Variants in PM20D2 observed in about 807,000 individuals in gnomAD.
PM20D2 encodes the protein xaa-Arg dipeptidase.
In PM20D2, 33 loss-of-function variants were observed where a neutral mutation model predicts 42.9. That is an observed-to-expected ratio of 0.77 (90% CI 0.58 to 1.03). The LOEUF (loss-of-function observed/expected upper bound fraction) is 1.03, where lower values mean the gene tolerates loss of function less well. Among genes scored for constraint, PM20D2 ranks in the 50% least tolerant of loss-of-function variants. PM20D2 has a pLI of 0.00. For missense variants in PM20D2, 548 were observed against 557.0 expected, an observed-to-expected ratio of 0.98 and a Z score of 0.16; for synonymous variants, 250 against 228.2, an observed-to-expected ratio of 1.10 and a Z score of -0.86.
the PM20D2 span, among the ~76,000 whole-genome samples, chr6:89,094,469 C>G: frequency 2.0e-5 from 3 of 151,722 alleles, no homozygotes; most frequent in Non-Finnish European, 4.4e-5. Flanking sequence ...ATCTGCCCCA[C>G]CCCCCGGAAC....
At chr6:89,134,160 G>A in the PM20D2 span, among the ~76,000 whole-genome samples, 2 of 151,186 alleles carry the variant, frequency 1.3e-5, no homozygotes, top group Non-Finnish European at 2.9e-5. Flanking sequence ...AATGACAAAG[G>A]CTTTGAGTCA....
the PM20D2 span, among the ~76,000 whole-genome samples, chr6:89,131,100 T>C: frequency 6.6e-6 from 1 of 151,980 alleles, no homozygotes; most frequent in Non-Finnish European, 1.5e-5. Flanking sequence ...CCCAAGGTGG[T>C]ATCACATGCC....
chr6:89,124,736 G>GTTTTTTTTTTTTT, the PM20D2 span, among the ~76,000 whole-genome samples: 40 of 108,432 alleles, frequency 3.7e-4, 1 homozygote, highest in South Asian at 1.0e-3. Context: ...TGCTGTTGTT[G>GTTTTTTTTTTTTT]TTTTTTTTTT....
At chr6:89,124,408 G>T in the PM20D2 span, among the ~76,000 whole-genome samples, 10 of 152,180 alleles carry the variant, frequency 6.6e-5, no homozygotes, top group East Asian at 1.9e-3. Flanking sequence ...TCTTGCTAGA[G>T]ATAGACACGT....
chr6:89,098,707 T>G, the PM20D2 span: 1 of 1,613,986 alleles, frequency 6.2e-7, no homozygotes, highest in East Asian at 2.2e-5. Flanking sequence ...ATCTTGCTAT[T>G]GAGTCAGAAT....
chr6:89,117,696 A>C, the PM20D2 span: 2 of 937,696 alleles, frequency 2.1e-6, no homozygotes, highest in Non-Finnish European at 1.5e-6. Flanking sequence ...CAAGTGGCGC[A>C]GCCTGGGCCC....
At chr6:89,130,819 C>CTTT in the PM20D2 span, among the ~76,000 whole-genome samples, 44 of 24,056 alleles carry the variant, frequency 1.8e-3, no homozygotes, top group African/African-American at 2.4e-3. Context: ...GCTTCTTCTT[C>CTTT]TTTTTTTTTT....
chr6:89,122,022 A>G, the PM20D2 span, among the ~76,000 whole-genome samples: 2 of 152,330 alleles, frequency 1.3e-5, no homozygotes, highest in South Asian at 4.1e-4. Flanking sequence ...TTTCAGTTTT[A>G]CAAGTCTTTA....
chr6:89,109,609 G>A, the PM20D2 span, among the ~76,000 whole-genome samples: 1 of 152,196 alleles, frequency 6.6e-6, no homozygotes, highest in Non-Finnish European at 1.5e-5. Context: ...TGCCACAGAG[G>A]TCTGGAGTCT....
chr6:89,160,104 T>C (rs1771186266), intron 5 of PM20D2, among the ~76,000 whole-genome samples: 1 of 152,170 alleles, frequency 6.6e-6, no homozygotes, highest in African/African-American at 2.4e-5. Context: ...TCAGACTCTT[T>C]AGACTCTTTA....
At chr6:89,124,038 AAAT>A in the PM20D2 span, among the ~76,000 whole-genome samples, 7 of 152,116 alleles carry the variant, frequency 4.6e-5, no homozygotes, top group East Asian at 1.9e-4. Flanking sequence ...TCATGTCTCA[AAAT>A]AATAATAATA....
chr6:89,146,270 C>T lies in PM20D2; in HGVS notation c.126C>T (p.Ser42=). Residue 42 remains serine, a synonymous_variant, in exon 1 of 7, where the codon AGC becomes AGT. Transcript: ENST00000275072. ...DEAAERLGAL[S]RAIWSQPELA... is the part of the protein sequence containing the mutation. ...CGGCCGAGCGGCTGGGGGCCCTGAG[C>T]CGCGCGATCTGGAGCCAGCCCGAGC... 1 of 1,580,610 alleles carries T rather than the reference C, an allele frequency of 6.3e-7. No homozygotes were observed. Among genetic ancestry groups the T allele is most frequent in the Non-Finnish European group, 8.5e-7 (1 of 1,171,548 alleles).
At chr6:89,129,388 G>A in the PM20D2 span, among the ~76,000 whole-genome samples, 2 of 152,170 alleles carry the variant, frequency 1.3e-5, no homozygotes, top group African/African-American at 4.8e-5. Flanking sequence ...GGAGGCCAAC[G>A]CAGGAGGATT....
the PM20D2 span, among the ~76,000 whole-genome samples, chr6:89,095,509 T>G: frequency 6.6e-6 from 1 of 152,228 alleles, no homozygotes; most frequent in Non-Finnish European, 1.5e-5. Context: ...TTAGAAGGAT[T>G]ACAAAAGTAT....
At chr6:89,127,080 T>C in the PM20D2 span, among the ~76,000 whole-genome samples, 9 of 152,160 alleles carry the variant, frequency 5.9e-5, no homozygotes, top group African/African-American at 2.2e-4. Context: ...ATCCTAACTT[T>C]CCTGTATAAA....
At chr6:89,101,518 T>C in the PM20D2 span, among the ~76,000 whole-genome samples, 1 of 152,022 alleles carries the variant, frequency 6.6e-6, no homozygotes, top group Non-Finnish European at 1.5e-5. Context: ...GGTCAGGAGT[T>C]CCAGACCAGC....
In PM20D2 at chr6:89,146,453, A is replaced by C; in HGVS notation, c.309A>C (p.Pro103=). 3 of 1,523,114 alleles carry C rather than the reference A, an allele frequency of 2.0e-6. No individual in the cohort carries two copies. The highest frequency in any genetic ancestry group is 2.6e-6 in the Non-Finnish European group (3 of 1,142,634). The allele number at this position is 1,523,114 out of a possible 1,614,324, so 94.3% of individuals were successfully genotyped here. A position where few individuals can be genotyped will look rare whatever the true frequency, so the allele number is the denominator to read the frequency against. Residue 103 remains proline, a synonymous_variant, in exon 1 of 7, where the codon CCA becomes CCC. Transcript: ENST00000275072. The part of the protein sequence containing the change: ...PPEARAPSAT[P]RPLHLGFLCE... ...AGGCCCGGGCACCGAGCGCCACGCC[A>C]CGCCCGCTGCACCTGGGCTTCCTCT...
At chr6:89,135,351 A>G in the PM20D2 span, among the ~76,000 whole-genome samples, 2 of 151,272 alleles carry the variant, frequency 1.3e-5, no homozygotes, top group Non-Finnish European at 2.9e-5. Flanking sequence ...TTATTTAGCT[A>G]TAATCCATTA....
At chr6:89,105,235 T>G in the PM20D2 span, 1 of 1,611,132 alleles carries the variant, frequency 6.2e-7, no homozygotes, top group Non-Finnish European at 8.5e-7. Context: ...AAGGATGACG[T>G]TCTTTTGATT....
Sources: allele counts gnomAD v4.1 joint callset (sites outside exome capture counted in the v4.1 genomes callset), GRCh38; gene constraint gnomAD v4.1.1; transcripts MANE v1.5; gene names NCBI Gene and HGNC (gene_info 2026-07-23, HGNC 2026-07-21).